The following NDST4 variants were observed in gnomAD, a reference collection of about 807,000 sequenced individuals.
NDST4 encodes N-heparan sulfate sulfotransferase 4.
Under a neutral mutation model 100.8 loss-of-function variants are expected in NDST4, and 63 were observed. The observed-to-expected ratio is 0.62, with a 90% CI of 0.51 to 0.77. The LOEUF (loss-of-function observed/expected upper bound fraction) is 0.77, where lower values mean the gene tolerates loss of function less well. Among genes scored for constraint, NDST4 ranks in the 30% least tolerant of loss-of-function variants. The probability of loss-of-function intolerance (pLI) is 0.00; values close to 1 mark genes in which losing one functional copy is unlikely to be tolerated. For synonymous variants in NDST4, 377 were observed against 361.8 expected, an observed-to-expected ratio of 1.04 and a Z score of -0.48; for missense variants, 943 against 1,018.4, an observed-to-expected ratio of 0.93 and a Z score of 1.01.
chr4:114,933,041 T>C (rs1366703936), intron 6 of NDST4, among the ~76,000 whole-genome samples: 3 of 152,144 alleles, frequency 2.0e-5, no homozygotes, highest in African/African-American at 7.2e-5. Context: ...AGAAGAAAGC[T>C]GGAGACATCA....
chr4:114,888,529 A>T (rs1724526987), intron 6 of NDST4, among the ~76,000 whole-genome samples: 1 of 152,228 alleles, frequency 6.6e-6, no homozygotes, highest in African/African-American at 2.4e-5. Flanking sequence ...TGCTCATTTA[A>T]CGAATGAACT....
At chr4:114,954,078 A>T (rs945109124) in intron 4 of NDST4, among the ~76,000 whole-genome samples, 1 of 152,182 alleles carries the variant, frequency 6.6e-6, no homozygotes, top group African/African-American at 2.4e-5. Flanking sequence ...AATTAACTAT[A>T]TTCAAGATCA....
At position 115,076,720 on chromosome 4, in the gene NDST4, T is replaced by C; in HGVS notation, c.317A>G (p.Tyr106Cys). The C allele has an allele frequency of 3.1e-6, 5 of 1,613,940 alleles. No individual in the cohort carries two copies. Among genetic ancestry groups the C allele is most frequent in the Non-Finnish European group, 4.2e-6 (5 of 1,179,916 alleles). Reference protein sequence around the residue: ...IAILESSRFQYHMVIAPGKGD... With the variant: ...IAILESSRFQCHMVIAPGKGD... ...CTTTCCAGGGGCAATAACCATGTGG[T>C]ACTGAAATCGGCTGGACTCCAAAAT... is the stretch of plus-strand genomic sequence containing the variant. Residue 106 changes from tyrosine (Y) to cysteine (C), a missense_variant, in exon 2 of 14, where the codon TAC becomes TGC. Coordinates refer to ENST00000264363, the MANE Select transcript of NDST4 (RefSeq NM_022569.3).
intron 2 of NDST4, among the ~76,000 whole-genome samples, chr4:114,990,339 G>A (rs1011314077): frequency 6.6e-6 from 1 of 151,858 alleles, no homozygotes; most frequent in Non-Finnish European, 1.5e-5. Context: ...ACTAACTATA[G>A]CTCATTTAAT....
intron 2 of NDST4, among the ~76,000 whole-genome samples, chr4:114,986,832 A>ATATATTTTTTTTTTTTT: frequency 2.1e-5 from 2 of 94,662 alleles, no homozygotes; most frequent in South Asian, 4.2e-4. Context: ...ATATATATAT[A>ATATATTTTTTTTTTTTT]TTTTAATATA....
At chr4:115,093,878 A>G (rs1016333465) in intron 1 of NDST4, among the ~76,000 whole-genome samples, 3 of 152,258 alleles carry the variant, frequency 2.0e-5, no homozygotes, top group South Asian at 2.1e-4. Flanking sequence ...AGCTAGAAAA[A>G]GCAATAAAAC....
chr4:114,911,356 T>C (rs112164133), intron 6 of NDST4, among the ~76,000 whole-genome samples: 1 of 152,220 alleles, frequency 6.6e-6, no homozygotes, highest in South Asian at 2.1e-4. Flanking sequence ...TCTTCTTTTA[T>C]ATGGCCACAT....
At position 114,971,221 on chromosome 4, in the gene NDST4, C is replaced by T. The variant is rs138252383; in HGVS notation, c.1067-637G>A. On this transcript the variant is annotated intron_variant, in intron 3 of 13. Transcript: ENST00000264363. ...CTTAATGTTATACATATCAAATTTC[C>T]CATTTTAATATAAATATTTCATAAA... Among the ~76,000 whole-genome samples, 261 of 151,828 alleles carry T rather than the reference C, an allele frequency of 1.7e-3. 11 individuals are homozygous for T. In the East Asian group the frequency reaches 0.044, roughly 26 times the overall value.
At chr4:115,062,190 T>C (rs1728839175) in intron 2 of NDST4, among the ~76,000 whole-genome samples, 2 of 152,012 alleles carry the variant, frequency 1.3e-5, no homozygotes, top group East Asian at 3.9e-4. Flanking sequence ...ATCATAACGA[T>C]CTGTTATGAA....
intron 12 of NDST4, among the ~76,000 whole-genome samples, chr4:114,832,958 A>G (rs1723231131): frequency 6.7e-6 from 1 of 150,320 alleles, no homozygotes; most frequent in Non-Finnish European, 1.5e-5. Flanking sequence ...GGTCCCAGTC[A>G]TCTGAGTCAA....
At chr4:114,951,912 C>A (rs1725997830) in intron 4 of NDST4, among the ~76,000 whole-genome samples, 1 of 152,070 alleles carries the variant, frequency 6.6e-6, no homozygotes, top group Non-Finnish European at 1.5e-5. Context: ...GACCATTGTT[C>A]TGAATAAGTG....
chr4:115,023,738 A>G (rs945434171), intron 2 of NDST4, among the ~76,000 whole-genome samples: 1 of 152,164 alleles, frequency 6.6e-6, no homozygotes, highest in Non-Finnish European at 1.5e-5. Context: ...CATTTGCTAA[A>G]GAGATTCGTA....
chr4:114,885,010 A>G (rs1412183310), intron 6 of NDST4, among the ~76,000 whole-genome samples: 1 of 151,954 alleles, frequency 6.6e-6, no homozygotes, highest in Admixed American at 6.6e-5. Flanking sequence ...GTATTTCACC[A>G]TTTTCCCTCC....
intron 2 of NDST4, among the ~76,000 whole-genome samples, chr4:114,979,113 A>C (rs1726707886): frequency 6.6e-6 from 1 of 151,598 alleles, no homozygotes; most frequent in Admixed American, 6.6e-5. Flanking sequence ...CACCTCCTAC[A>C]TTTCCCAGTG....
chr4:114,939,675 T>C (rs1238657851), intron 4 of NDST4, among the ~76,000 whole-genome samples: 5 of 60,606 alleles, frequency 8.3e-5, no homozygotes, highest in Non-Finnish European at 1.5e-4. Flanking sequence ...AAATGAATTG[T>C]AGAACTTTCA....
intron 4 of NDST4, among the ~76,000 whole-genome samples, chr4:114,948,842 G>T (rs970983416): frequency 4.6e-5 from 7 of 151,976 alleles, no homozygotes; most frequent in African/African-American, 1.7e-4. Flanking sequence ...TATAGATAAA[G>T]TATAAAGGAC....
At chr4:115,094,662 T>G (rs11938603) in intron 1 of NDST4, among the ~76,000 whole-genome samples, 2,327 of 152,242 alleles carry the variant, frequency 0.015, 67 homozygotes, top group African/African-American at 0.054. Context: ...GAAATAGGAT[T>G]GTTGCAGGTG....
At chr4:115,007,208 A>G (rs1727439145) in intron 2 of NDST4, among the ~76,000 whole-genome samples, 1 of 152,178 alleles carries the variant, frequency 6.6e-6, no homozygotes, top group African/African-American at 2.4e-5. Context: ...ACCTCCTTTT[A>G]CATACATGAT....
chr4:114,893,775 T>C (rs1311921676), intron 6 of NDST4, among the ~76,000 whole-genome samples: 1 of 152,228 alleles, frequency 6.6e-6, no homozygotes, highest in African/African-American at 2.4e-5. Context: ...TTGGCTTTTG[T>C]TGCATTTGCT....
Sources: allele counts gnomAD v4.1 joint callset (sites outside exome capture counted in the v4.1 genomes callset), GRCh38; gene constraint gnomAD v4.1.1; transcripts MANE v1.5; gene names NCBI Gene and HGNC (gene_info 2026-07-23, HGNC 2026-07-21).